CCT6B: variants seen among roughly 807,000 people sequenced by gnomAD.
CCT6B encodes probable T-complex protein 1 subunit zeta-2.
Under a neutral mutation model 61.5 loss-of-function variants are expected in CCT6B, and 49 were observed. The ratio of observed to expected loss-of-function variants is 0.80; its 90% CI spans 0.63 to 1.01. The LOEUF (loss-of-function observed/expected upper bound fraction) is 1.01. Ranked by LOEUF, CCT6B falls within the 50% of genes least tolerant of loss-of-function variation. The probability of loss-of-function intolerance (pLI) is 0.00; values close to 1 mark genes in which losing one functional copy is unlikely to be tolerated. For synonymous variants in CCT6B, 228 were observed against 214.5 expected (o/e 1.06, Z -0.55); for missense variants, 666 against 634.7 (o/e 1.05, Z -0.53).
At chr17:34,929,159 T>C in intron 12 of CCT6B, 125 bp from the exon 13 acceptor site, 1 of 632,870 alleles carries the variant, frequency 1.6e-6, no homozygotes, top group Admixed American at 2.7e-5. Flanking sequence ...ATGACCTCCA[T>C]ATTGTTAAAT....
chr17:34,942,755 A>G, intron 6 of CCT6B, 41 bp downstream of exon 6: 1 of 1,494,800 alleles, frequency 6.7e-7, no homozygotes, highest in Non-Finnish European at 9.2e-7. Flanking sequence ...ACACCTTTAG[A>G]AAAAAAAATT....
intron 5 of CCT6B, chr17:34,944,491 C>A (rs2090201564): frequency 6.6e-6 from 1 of 152,254 alleles, no homozygotes; most frequent in South Asian, 2.1e-4. Flanking sequence ...TTCCCATATT[C>A]CCTTCTAGCT....
chr17:34,961,375 C>A lies in CCT6B; in HGVS notation c.19G>T (p.Val7Phe). 1.9e-6 allele frequency: 3 copies of A among 1,609,224 alleles called. No individual in the cohort carries two copies. The highest frequency in any genetic ancestry group is 2.5e-6 in the Non-Finnish European group (3 of 1,179,158). The change falls in exon 1 of 14, where the codon GTC becomes TTC. Residue 7 changes from valine (V) to phenylalanine (F), a missense_variant. Val to Phe is a conservative substitution (Grantham distance 50). Transcript: ENST00000314144. MAAIKA[V>F]NSKAEVARAR... Reference sequence around the variant, plus strand: ...CGCGCCACCTCAGCCTTGGAGTTGACGGCCTTTATCGCAGCCATAGCCTAA... The same window carrying A: ...CGCGCCACCTCAGCCTTGGAGTTGAAGGCCTTTATCGCAGCCATAGCCTAA...
At chr17:34,928,423 C>T (rs577722787) in intron 13 of CCT6B, among the ~76,000 whole-genome samples, 17 of 152,268 alleles carry the variant, frequency 1.1e-4, no homozygotes, top group African/African-American at 3.9e-4. Flanking sequence ...CAGGCACCCA[C>T]CAACACGCCT....
intron 5 of CCT6B, among the ~76,000 whole-genome samples, chr17:34,950,354 TAAAGAG>T (rs1365038175): frequency 2.6e-5 from 4 of 151,852 alleles, no homozygotes; most frequent in Non-Finnish European, 4.4e-5. Context: ...AATTAAATAA[TAAAGAG>T]AAAGACACTG....
At chr17:34,952,680 A>G (rs2090304924) in intron 4 of CCT6B, among the ~76,000 whole-genome samples, 1 of 152,246 alleles carries the variant, frequency 6.6e-6, no homozygotes, top group South Asian at 2.1e-4. Flanking sequence ...CAATTTAAGA[A>G]GCATAGCACA....
intron 5 of CCT6B, among the ~76,000 whole-genome samples, chr17:34,949,230 C>T (rs796374107): frequency 6.5e-4 from 98 of 151,766 alleles, no homozygotes; most frequent in African/African-American, 2.0e-3. Flanking sequence ...CAGAGGTGGG[C>T]GGATCGCCTG....
intron 10 of CCT6B, among the ~76,000 whole-genome samples, chr17:34,935,869 A>G (rs1221092305): frequency 2.6e-5 from 4 of 151,974 alleles, no homozygotes; most frequent in African/African-American, 9.7e-5. Context: ...AAGAAAAAAA[A>G]AAAAATCATA....
At chr17:34,949,183 C>T (rs990165873) in intron 5 of CCT6B, among the ~76,000 whole-genome samples, 10 of 151,450 alleles carry the variant, frequency 6.6e-5, no homozygotes, top group Non-Finnish European at 1.2e-4. Flanking sequence ...AGGCCGAGCA[C>T]GGTGGCTCAT....
chr17:34,942,748 C>T, intron 6 of CCT6B, 48 bp downstream of exon 6: 1 of 1,502,898 alleles, frequency 6.7e-7, no homozygotes. Context: ...TTTTAAAACA[C>T]CTTTAGAAAA....
chr17:34,953,448 G>A (rs2090315098), intron 4 of CCT6B, among the ~76,000 whole-genome samples: 2 of 151,326 alleles, frequency 1.3e-5, no homozygotes, highest in South Asian at 4.2e-4. Context: ...TCCTGCCTTA[G>A]CCTCCCAAGT....
rs769666626 is a variant in CCT6B at position 34,961,415 on chromosome 17, A to C, written c.-22T>G. On this transcript the variant is annotated 5_prime_UTR_variant, in exon 1 of 14. Coordinates refer to ENST00000314144, the MANE Select transcript of CCT6B (RefSeq NM_006584.4). ...CCATAGCCTAACCGTTCAGAGGGAG[A>C]AAAAAAAAAAGCCTTAGTCGCGATT... 1 of 598,900 alleles carries C rather than the reference A, an allele frequency of 1.7e-6. No individual in the cohort carries two copies. The highest frequency in any genetic ancestry group is 4.6e-5 in the Admixed American group (1 of 21,538). The allele number at this position is 598,900 out of a possible 1,614,324, so 37.1% of individuals were successfully genotyped here. A position where few individuals can be genotyped will look rare whatever the true frequency, so the allele number is the denominator to read the frequency against.
intron 5 of CCT6B, among the ~76,000 whole-genome samples, chr17:34,948,429 A>C (rs2090249801): frequency 6.6e-6 from 1 of 152,236 alleles, no homozygotes; most frequent in South Asian, 2.1e-4. Context: ...TTAAAAGAAA[A>C]CTGGGCCGGG....
intron 8 of CCT6B, among the ~76,000 whole-genome samples, chr17:34,940,058 A>C (rs1314050316): frequency 6.6e-6 from 1 of 152,182 alleles, no homozygotes; most frequent in African/African-American, 2.4e-5. Context: ...AAGATTTTTA[A>C]AAAGAACAAT....
chr17:34,935,536 C>A (rs1365696939), intron 10 of CCT6B, among the ~76,000 whole-genome samples: 1 of 152,094 alleles, frequency 6.6e-6, no homozygotes, highest in Non-Finnish European at 1.5e-5. Context: ...ACATTTGAAT[C>A]AATCAATGTA....
chr17:34,937,927 C>T (rs536518080), intron 10 of CCT6B, among the ~76,000 whole-genome samples: 78 of 151,210 alleles, frequency 5.2e-4, no homozygotes, highest in African/African-American at 1.8e-3. Flanking sequence ...CTCACTCTGA[C>T]GCCCAGGCTG....
intron 11 of CCT6B, among the ~76,000 whole-genome samples, chr17:34,931,718 T>C (rs1403467161): frequency 2.6e-5 from 4 of 152,166 alleles, no homozygotes; most frequent in African/African-American, 9.7e-5. Context: ...TTATGAAAAA[T>C]TTTAATAAAA....
At position 34,956,805 on chromosome 17, in the gene CCT6B, CTT is replaced by C. The variant is rs568115382; in HGVS notation, c.336+1753_336+1754del. ...CTGTCCTCTCTCTCCTCTCTCCTCT[CTT>C]CTCTCTCTCTCTTTCTTTTAGAGAC... On this transcript the variant is annotated intron_variant, in intron 3 of 13. Coordinates refer to ENST00000314144, the MANE Select transcript of CCT6B (RefSeq NM_006584.4). Among the ~76,000 whole-genome samples, 43 of 151,878 alleles carry C rather than the reference CTT, an allele frequency of 2.8e-4. 2 individuals are homozygous for C. The East Asian group carries it at 7.6e-3, about 27-fold the overall frequency.
chr17:34,958,501 A>T, intron 3 of CCT6B, 59 bp downstream of exon 3: 1 of 1,050,282 alleles, frequency 9.5e-7, no homozygotes, highest in Non-Finnish European at 1.3e-6. Context: ...CAACCATTTT[A>T]CTAGTTAAAA....
Sources: gnomAD v4.1 joint callset for allele counts (sites outside exome capture counted in the v4.1 genomes callset) on GRCh38, gnomAD v4.1.1 for gene constraint, MANE v1.5 for transcripts, NCBI Gene and HGNC (gene_info 2026-07-23, HGNC 2026-07-21) for gene names.